The following BBX variants were observed in gnomAD, a reference collection of about 807,000 sequenced individuals.
The protein encoded by BBX is HMG box transcription factor BBX.
In BBX, 30 loss-of-function variants were observed where a neutral mutation model predicts 100.2. The ratio of observed to expected loss-of-function variants is 0.30; its 90% CI spans 0.22 to 0.41. The LOEUF (loss-of-function observed/expected upper bound fraction) is 0.41, where lower values mean the gene tolerates loss of function less well. BBX is among the 10% of genes least tolerant of loss of function. The pLI is 1.00. For synonymous variants in BBX, 376 were observed against 388.1 expected, an observed-to-expected ratio of 0.97 and a Z score of 0.37; for missense variants, 1,023 against 1,129.8, an observed-to-expected ratio of 0.91 and a Z score of 1.35.
intron 2 of BBX, among the ~76,000 whole-genome samples, chr3:107,574,170 C>T (rs2051594084): frequency 6.6e-6 from 1 of 152,010 alleles, no homozygotes; most frequent in African/African-American, 2.4e-5. Flanking sequence ...TGGTTAAGAC[C>T]TTTGGAAGAT....
chr3:107,749,822 C>T (rs1395313512), intron 9 of BBX, among the ~76,000 whole-genome samples: 2 of 151,930 alleles, frequency 1.3e-5, no homozygotes, highest in South Asian at 2.1e-4. Context: ...TTAGTAGAGA[C>T]GGGATTTCGC....
rs2067011529 is a variant in BBX, at chr3:107,772,811, T to A, written c.1090T>A (p.Leu364Ile). The A allele has an allele frequency of 6.2e-7, 1 of 1,613,200 alleles. No homozygotes were observed. Among genetic ancestry groups the A allele is most frequent in the Admixed American group, 1.7e-5 (1 of 59,938 alleles). The change falls in exon 11 of 18, where the codon TTA (leucine) becomes ATA (isoleucine). Residue 364 changes from leucine to isoleucine, a missense_variant. Leu to Ile is a conservative substitution (Grantham distance 5, BLOSUM62 2). Transcript: ENST00000325805. Reference sequence around the variant, plus strand: ...ATTTGAAAAATCGGCTAAGGAAAATTTAAGAGATTCTAAGGAATTGAGAAA... The same window carrying A: ...ATTTGAAAAATCGGCTAAGGAAAATATAAGAGATTCTAAGGAATTGAGAAA... ...AEFEKSAKENLRDSKELRNFE... is the reference protein window; with the variant it reads ...AEFEKSAKENIRDSKELRNFE...
At chr3:107,663,619 A>G (rs2058578552) in intron 3 of BBX, among the ~76,000 whole-genome samples, 1 of 152,066 alleles carries the variant, frequency 6.6e-6, no homozygotes. Context: ...TTATATAAAT[A>G]ATACATACTA....
chr3:107,570,084 G>T (rs1207892587), intron 2 of BBX, among the ~76,000 whole-genome samples: 1 of 152,216 alleles, frequency 6.6e-6, no homozygotes, highest in Non-Finnish European at 1.5e-5. Context: ...CCAGTGGCCA[G>T]ATTTCCAGCA....
In BBX at chr3:107,769,208, AG is replaced by A. The variant is rs1576717615; in HGVS notation, c.907-3419del. ...TAGATAGATAGATAGATAGATAGAT[AG>A]ATAGATAGATAGATAGATAGACAGA... On this transcript the variant is annotated intron_variant, in intron 10 of 17. Coordinates refer to ENST00000325805, the MANE Select transcript of BBX (RefSeq NM_001142568.3). 4.3e-5 allele frequency among the ~76,000 whole-genome samples: 6 copies of A among 140,622 alleles called. No individual in the cohort carries two copies. The East Asian group carries it at 1.3e-3, about 30-fold the overall frequency. The allele number at this position is 140,622 out of a possible 152,430, so 92.3% of individuals were successfully genotyped here.
At chr3:107,753,369 T>C (rs1230008184) in intron 9 of BBX, among the ~76,000 whole-genome samples, 3 of 152,092 alleles carry the variant, frequency 2.0e-5, no homozygotes, top group Non-Finnish European at 4.4e-5. Context: ...ATCCTGGAAA[T>C]GTTGGGCCAC....
chr3:107,657,507 G>T (rs2058216239), intron 3 of BBX, among the ~76,000 whole-genome samples: 1 of 152,148 alleles, frequency 6.6e-6, no homozygotes, highest in South Asian at 2.1e-4. Context: ...TTAATCTACA[G>T]AACTTGACAA....
intron 3 of BBX, among the ~76,000 whole-genome samples, chr3:107,673,702 GT>G (rs946269564): frequency 1.3e-5 from 2 of 151,222 alleles, no homozygotes; most frequent in African/African-American, 2.4e-5. Context: ...CCCACTTCAA[GT>G]TTTTTTTTAG....
At chr3:107,658,709 A>G (rs954271019) in intron 3 of BBX, among the ~76,000 whole-genome samples, 32 of 151,812 alleles carry the variant, frequency 2.1e-4, no homozygotes, top group East Asian at 1.9e-4. Context: ...TTTGTGTGCT[A>G]ATTTCTTTGT....
chr3:107,618,122 C>A (rs1389476567), intron 2 of BBX, among the ~76,000 whole-genome samples: 8 of 151,912 alleles, frequency 5.3e-5, no homozygotes, highest in African/African-American at 1.2e-4. Flanking sequence ...TTCTATACAT[C>A]AATATGATTA....
At chr3:107,661,706 C>G (rs1183523773) in intron 3 of BBX, 1 of 203,614 alleles carries the variant, frequency 4.9e-6, no homozygotes, top group Non-Finnish European at 8.7e-6. Flanking sequence ...CTTAATCTCT[C>G]CATTAACTTC....
chr3:107,796,015 G>GTTT (rs1044531062), intron 15 of BBX, among the ~76,000 whole-genome samples: 4 of 152,170 alleles, frequency 2.6e-5, no homozygotes, highest in African/African-American at 9.7e-5. Context: ...TGTTGTTGTT[G>GTTT]CCCCTGGCCA....
At chr3:107,542,965 A>G (rs2048969471) in intron 2 of BBX, among the ~76,000 whole-genome samples, 2 of 152,216 alleles carry the variant, frequency 1.3e-5, no homozygotes, top group Non-Finnish European at 2.9e-5. Context: ...TGCATTGTTA[A>G]GCCTGTTGTC....
At chr3:107,714,058 C>G (rs936786025) in intron 4 of BBX, among the ~76,000 whole-genome samples, 2 of 145,606 alleles carry the variant, frequency 1.4e-5, no homozygotes, top group African/African-American at 5.1e-5. Flanking sequence ...TCACTGCAGC[C>G]TCCTCCTCCC....
At chr3:107,599,882 T>C (rs952939529) in intron 2 of BBX, among the ~76,000 whole-genome samples, 1 of 150,380 alleles carries the variant, frequency 6.6e-6, no homozygotes, top group African/African-American at 2.5e-5. Context: ...TGATGATTTT[T>C]AATACGTCTC....
chr3:107,732,007 G>A (rs1296006184), intron 6 of BBX, among the ~76,000 whole-genome samples: 1 of 152,040 alleles, frequency 6.6e-6, no homozygotes. Context: ...CAGGACACAG[G>A]TGCCTTTTCT....
At position 107,681,467 on chromosome 3, in the gene BBX, A is replaced by C. The variant is rs1474843505; in HGVS notation, c.-9-28985A>C. Among the ~76,000 whole-genome samples the C allele has an allele frequency of 2.0e-5, 3 of 152,114 alleles. No individual in the cohort carries two copies. The East Asian group carries it at 5.8e-4, about 29-fold the overall frequency. On this transcript the variant is annotated intron_variant, in intron 3 of 17. Transcript: ENST00000325805. ...AGGAGTGTTTAGAAATTCGTGGGACATTATTTGGGGAAATGCCACAGTCTG... is the reference window on the plus strand; with the variant it reads ...AGGAGTGTTTAGAAATTCGTGGGACCTTATTTGGGGAAATGCCACAGTCTG...
intron 13 of BBX, among the ~76,000 whole-genome samples, chr3:107,778,764 A>G (rs2067539280): frequency 6.6e-6 from 1 of 151,808 alleles, no homozygotes; most frequent in Non-Finnish European, 1.5e-5. Flanking sequence ...TTTTGCAAAG[A>G]TGTTACACAT....
At chr3:107,788,022 G>A (rs1022693043) in intron 13 of BBX, among the ~76,000 whole-genome samples, 2 of 152,220 alleles carry the variant, frequency 1.3e-5, no homozygotes, top group Non-Finnish European at 2.9e-5. Flanking sequence ...TCGTAAGATA[G>A]TATAAGATTG....
Sources: gnomAD v4.1 joint callset for allele counts (sites outside exome capture counted in the v4.1 genomes callset) on GRCh38, gnomAD v4.1.1 for gene constraint, MANE v1.5 for transcripts, NCBI Gene and HGNC (gene_info 2026-07-23, HGNC 2026-07-21) for gene names.